The following SEMA5A variants were observed in gnomAD, a reference collection of about 807,000 sequenced individuals.
SEMA5A encodes semaphorin-5A.
A neutral mutation model predicts 135.5 loss-of-function variants in SEMA5A; 55 were observed. The observed-to-expected ratio is 0.41, with a 90% CI of 0.33 to 0.51. The LOEUF (loss-of-function observed/expected upper bound fraction) is 0.51, where lower values mean the gene tolerates loss of function less well. Among genes scored for constraint, SEMA5A ranks in the 20% least tolerant of loss-of-function variants. The probability of loss-of-function intolerance (pLI) is 0.37; values close to 1 mark genes in which losing one functional copy is unlikely to be tolerated. For synonymous variants in SEMA5A, 580 were observed against 546.5 expected (o/e 1.06, Z -0.85); for missense variants, 1,290 against 1,419.9 (o/e 0.91, Z 1.47).
At chr5:9,318,052 T>C (rs1752466457) in intron 5 of SEMA5A, among the ~76,000 whole-genome samples, 1 of 152,210 alleles carries the variant, frequency 6.6e-6, no homozygotes, top group South Asian at 2.1e-4. Context: ...CGATGATTGC[T>C]GTAACTGTGG....
chr5:9,102,188 A>G (rs1579395444), intron 16 of SEMA5A, among the ~76,000 whole-genome samples: 1 of 152,348 alleles, frequency 6.6e-6, no homozygotes, highest in East Asian at 1.9e-4. Flanking sequence ...GTTCAATTGT[A>G]AAACTGTCAA....
At chr5:9,068,992 G>A (rs918296854) in intron 16 of SEMA5A, among the ~76,000 whole-genome samples, 4 of 152,132 alleles carry the variant, frequency 2.6e-5, no homozygotes, top group East Asian at 1.9e-4. Context: ...TGCTCAGGTC[G>A]CCCAGCAGCT....
intron 5 of SEMA5A, among the ~76,000 whole-genome samples, chr5:9,270,928 T>C (rs868238428): frequency 3.1e-4 from 47 of 152,054 alleles, no homozygotes; most frequent in Admixed American, 1.1e-3. Flanking sequence ...TAAAAATAGG[T>C]TTTATATTTT....
intron 19 of SEMA5A, among the ~76,000 whole-genome samples, chr5:9,053,256 C>T (rs567547984): frequency 2.6e-5 from 4 of 152,182 alleles, no homozygotes; most frequent in Non-Finnish European, 5.9e-5. Context: ...GCGAGGAGCT[C>T]CCACACCCAC....
At chr5:9,516,550 A>G (rs183321316) in intron 1 of SEMA5A, 1 of 152,106 alleles carries the variant, frequency 6.6e-6, no homozygotes, top group African/African-American at 2.4e-5. Flanking sequence ...GAACAAGAGA[A>G]TCCTTTGTCA....
At chr5:9,076,980 C>G (rs1738101167) in intron 16 of SEMA5A, among the ~76,000 whole-genome samples, 1 of 151,388 alleles carries the variant, frequency 6.6e-6, no homozygotes, top group Non-Finnish European at 1.5e-5. Flanking sequence ...GGTCACAGTG[C>G]TTTTTCATGC....
Position 9,208,751 on chromosome 5 carries a change from A to G in SEMA5A, c.647-6511T>C, listed in dbSNP as rs141267562. 2.0e-3 allele frequency among the ~76,000 whole-genome samples: 304 copies of G among 152,306 alleles called. 1 individual carries two copies. Among genetic ancestry groups the G allele is most frequent in the Non-Finnish European group, 3.6e-3 (243 of 68,028 alleles). ...AAGCCAGGAGCCCATAACAAGGAGT[A>G]TGGATTTCAACTGCCATTGGAGAGA... On this transcript the variant is annotated intron_variant, in intron 8 of 22. Coordinates refer to ENST00000382496, the MANE Select transcript of SEMA5A (RefSeq NM_003966.3).
At chr5:9,221,383 A>G (rs867745333) in intron 8 of SEMA5A, among the ~76,000 whole-genome samples, 16 of 147,330 alleles carry the variant, frequency 1.1e-4, no homozygotes, top group African/African-American at 2.2e-4. Flanking sequence ...GCTTACTGCA[A>G]GCTCCGCCTC....
At chr5:9,499,597 T>C (rs993903890) in intron 1 of SEMA5A, among the ~76,000 whole-genome samples, 1 of 152,216 alleles carries the variant, frequency 6.6e-6, no homozygotes, top group Non-Finnish European at 1.5e-5. Flanking sequence ...TAAACTAATG[T>C]ATGAACAGGA....
intron 11 of SEMA5A, among the ~76,000 whole-genome samples, chr5:9,161,420 G>GA (rs5865808): frequency 0.093 from 14,057 of 151,906 alleles, 1,046 homozygotes; most frequent in East Asian, 0.29. Flanking sequence ...ATTTAAAATG[G>GA]AAAAAAGGAA....
chr5:9,459,740 A>G (rs1442055066), intron 1 of SEMA5A, among the ~76,000 whole-genome samples: 1 of 152,242 alleles, frequency 6.6e-6, no homozygotes, highest in Non-Finnish European at 1.5e-5. Flanking sequence ...ATATTAGTAG[A>G]TAACTGATAA....
At chr5:9,363,003 T>C (rs1754763700) in intron 3 of SEMA5A, among the ~76,000 whole-genome samples, 1 of 152,240 alleles carries the variant, frequency 6.6e-6, no homozygotes, top group South Asian at 2.1e-4. Context: ...GTCTTACTTT[T>C]TACTTTTGAG....
chr5:9,390,638 C>T (rs1053287654), intron 2 of SEMA5A, among the ~76,000 whole-genome samples: 2 of 151,932 alleles, frequency 1.3e-5, no homozygotes, highest in African/African-American at 4.8e-5. Flanking sequence ...CATGTCAATG[C>T]CGATACCTTT....
chr5:9,467,119 C>CTT (rs377123678), intron 1 of SEMA5A, among the ~76,000 whole-genome samples: 1 of 149,870 alleles, frequency 6.7e-6, no homozygotes, highest in African/African-American at 2.4e-5. Flanking sequence ...ATGAATTGTT[C>CTT]TTTTTTTTTT....
At chr5:9,468,654 C>T (rs959454520) in intron 1 of SEMA5A, among the ~76,000 whole-genome samples, 3 of 152,060 alleles carry the variant, frequency 2.0e-5, no homozygotes, top group African/African-American at 7.2e-5. Context: ...TCCTTGAATA[C>T]CATCCAAAAA....
At chr5:9,329,737 C>T (rs1263350176) in intron 4 of SEMA5A, among the ~76,000 whole-genome samples, 1 of 152,126 alleles carries the variant, frequency 6.6e-6, no homozygotes, top group Non-Finnish European at 1.5e-5. Flanking sequence ...AGCCTTTGTA[C>T]ATTTATTTAT....
chr5:9,064,834 GA>G, intron 17 of SEMA5A, among the ~76,000 whole-genome samples: 1 of 152,246 alleles, frequency 6.6e-6, no homozygotes, highest in East Asian at 1.9e-4. Context: ...ACTTGTACTA[GA>G]AAAAAACTTC....
intron 5 of SEMA5A, among the ~76,000 whole-genome samples, chr5:9,286,244 T>C (rs1449605235): frequency 1.3e-5 from 2 of 152,222 alleles, no homozygotes; most frequent in East Asian, 1.9e-4. Context: ...TATGAGCCTC[T>C]ATTTGATAAT....
chr5:9,228,370 A>C (rs1019825879), intron 6 of SEMA5A, among the ~76,000 whole-genome samples: 14 of 152,204 alleles, frequency 9.2e-5, no homozygotes, highest in African/African-American at 2.4e-4. Context: ...CACTCCACTC[A>C]AGAGGAGCAG....
Sources: gnomAD v4.1 joint callset for allele counts (sites outside exome capture counted in the v4.1 genomes callset) on GRCh38, gnomAD v4.1.1 for gene constraint, MANE v1.5 for transcripts, NCBI Gene and HGNC (gene_info 2026-07-23, HGNC 2026-07-21) for gene names.